SCML4: variants seen among roughly 807,000 people sequenced by gnomAD.
SCML4 encodes the protein sex comb on midleg-like protein 4.
A neutral mutation model predicts 41.1 loss-of-function variants in SCML4; 34 were observed. That is an observed-to-expected ratio of 0.83 (90% confidence interval 0.63 to 1.10). The LOEUF is 1.10. Among genes scored for constraint, SCML4 ranks in the 50% least tolerant of loss-of-function variants. The pLI, the probability that SCML4 is intolerant of heterozygous loss-of-function variation, is 0.00. For synonymous variants in SCML4, 214 were observed against 220.9 expected (o/e 0.97, Z 0.28); for missense variants, 522 against 534.1 (o/e 0.98, Z 0.22).
At chr6:107,780,840 T>C (rs1337227846) in intron 1 of SCML4, among the ~76,000 whole-genome samples, 1 of 151,982 alleles carries the variant, frequency 6.6e-6, no homozygotes, top group African/African-American at 2.4e-5. Context: ...ACAAAGATAA[T>C]TTTGAGAATA....
chr6:107,763,875 C>A (rs966588854), intron 2 of SCML4, among the ~76,000 whole-genome samples: 1 of 152,140 alleles, frequency 6.6e-6, no homozygotes, highest in African/African-American at 2.4e-5. Flanking sequence ...TTGAAGCCAC[C>A]CAGGCTATGG....
intron 1 of SCML4, among the ~76,000 whole-genome samples, chr6:107,813,232 G>A (rs1290414671): frequency 1.3e-5 from 2 of 150,678 alleles, no homozygotes; most frequent in Admixed American, 6.6e-5. Flanking sequence ...GGGTGGTGGT[G>A]GGCATCTGTA....
chr6:107,729,296 G>T (rs1300288442), intron 5 of SCML4, among the ~76,000 whole-genome samples: 3 of 152,128 alleles, frequency 2.0e-5, no homozygotes, highest in Non-Finnish European at 4.4e-5. Flanking sequence ...CCTCTTTCTA[G>T]CATCCCCTGG....
intron 5 of SCML4, among the ~76,000 whole-genome samples, chr6:107,738,217 A>G (rs765238236): frequency 6.6e-6 from 1 of 152,216 alleles, no homozygotes; most frequent in African/African-American, 2.4e-5. Context: ...AACACAAACC[A>G]CCTTCAGATG....
chr6:107,792,192 A>G (rs75963345), intron 1 of SCML4, among the ~76,000 whole-genome samples: 6,108 of 152,232 alleles, frequency 0.04, 415 homozygotes, highest in African/African-American at 0.14. Flanking sequence ...ATGAGACACC[A>G]CCCAGGATCC....
At chr6:107,710,952 C>G (rs1583369941) in intron 6 of SCML4, among the ~76,000 whole-genome samples, 1 of 67,914 alleles carries the variant, frequency 1.5e-5, no homozygotes, top group Non-Finnish European at 3.1e-5. Flanking sequence ...TACTACAGAG[C>G]AAAGTCCCAT....
At chr6:107,794,928 A>G (rs1782600919) in intron 1 of SCML4, among the ~76,000 whole-genome samples, 1 of 152,028 alleles carries the variant, frequency 6.6e-6, no homozygotes, top group Non-Finnish European at 1.5e-5. Context: ...TGGCCTCATG[A>G]CCTTATTCTC....
At chr6:107,845,145 A>G in the SCML4 span, among the ~76,000 whole-genome samples, 5 of 152,164 alleles carry the variant, frequency 3.3e-5, no homozygotes, top group Non-Finnish European at 5.9e-5. Flanking sequence ...CTGAGGCAGG[A>G]GAATCGCTTG....
intron 1 of SCML4, among the ~76,000 whole-genome samples, chr6:107,821,200 T>A (rs1320862766): frequency 6.6e-6 from 1 of 152,144 alleles, no homozygotes. Flanking sequence ...TTTAGAGTAA[T>A]TTACTAGATA....
chr6:107,764,865 G>A lies in SCML4; in HGVS notation c.156+7307C>T, dbSNP rs117314809. Among the ~76,000 whole-genome samples the A allele has an allele frequency of 3.4e-3, 515 of 152,136 alleles. 3 individuals carry two copies. The East Asian group carries it at 0.035, about 10-fold the overall frequency. ...TCACCAGATCTGATGGTTTTACAACGGGAAACCCCTTTCGCTTGACTCTCG... is the reference window on the plus strand; with the variant it reads ...TCACCAGATCTGATGGTTTTACAACAGGAAACCCCTTTCGCTTGACTCTCG... On this transcript the variant is annotated intron_variant, in intron 2 of 7. Transcript: ENST00000369020.
intron 1 of SCML4, among the ~76,000 whole-genome samples, chr6:107,782,032 G>A (rs1028625739): frequency 2.6e-5 from 4 of 152,188 alleles, no homozygotes; most frequent in African/African-American, 9.7e-5. Context: ...GCCCCCAAGA[G>A]GGGTACAACA....
intron 1 of SCML4, among the ~76,000 whole-genome samples, chr6:107,787,560 G>T (rs893032759): frequency 6.6e-6 from 1 of 152,010 alleles, no homozygotes; most frequent in Non-Finnish European, 1.5e-5. Flanking sequence ...TTGGTGTTTG[G>T]GTTGTTTCTA....
At chr6:107,717,290 CAAA>C (rs11449697) in intron 6 of SCML4, among the ~76,000 whole-genome samples, 8 of 119,124 alleles carry the variant, frequency 6.7e-5, no homozygotes, top group Admixed American at 8.2e-5. Flanking sequence ...GACTCTGTCT[CAAA>C]AAAAAAAAAA....
chr6:107,747,508 T>C (rs1009090122), intron 3 of SCML4, among the ~76,000 whole-genome samples: 3 of 151,900 alleles, frequency 2.0e-5, no homozygotes, highest in African/African-American at 7.2e-5. Context: ...AAACCATGTT[T>C]ATTTATTTAT....
intron 1 of SCML4, among the ~76,000 whole-genome samples, chr6:107,802,184 A>G (rs1470722633): frequency 6.6e-6 from 1 of 152,228 alleles, no homozygotes; most frequent in African/African-American, 2.4e-5. Flanking sequence ...CACGGAACTT[A>G]TATTCGTGAG....
At chr6:107,833,948 G>A in the SCML4 span, among the ~76,000 whole-genome samples, 1 of 152,114 alleles carries the variant, frequency 6.6e-6, no homozygotes, top group African/African-American at 2.4e-5. Flanking sequence ...ATGTAAAGTT[G>A]TTGGAATAGT....
At chr6:107,735,141 G>A (rs1336324301) in intron 5 of SCML4, among the ~76,000 whole-genome samples, 3 of 152,182 alleles carry the variant, frequency 2.0e-5, no homozygotes, top group Non-Finnish European at 4.4e-5. Context: ...CTCCCAAAGT[G>A]CTGGGATTAC....
chr6:107,788,289 C>T (rs1247751527), intron 1 of SCML4, among the ~76,000 whole-genome samples: 2 of 152,182 alleles, frequency 1.3e-5, no homozygotes, highest in Non-Finnish European at 2.9e-5. Context: ...CCTGCCCTGT[C>T]AAACGGAGAC....
chr6:107,773,367 G>A (rs1780666781), intron 1 of SCML4, among the ~76,000 whole-genome samples: 1 of 152,068 alleles, frequency 6.6e-6, no homozygotes, highest in African/African-American at 2.4e-5. Context: ...TGAGGCTGCT[G>A]GATCACTTGA....
Sources: gnomAD v4.1 joint callset for allele counts (sites outside exome capture counted in the v4.1 genomes callset) on GRCh38, gnomAD v4.1.1 for gene constraint, MANE v1.5 for transcripts, NCBI Gene and HGNC (gene_info 2026-07-23, HGNC 2026-07-21) for gene names.